Variants in ZBTB20 observed in about 807,000 individuals in gnomAD.
The protein encoded by ZBTB20 is zinc finger and BTB domain-containing protein 20.
ZBTB20 carries 9 observed loss-of-function variants against 56.9 expected under a neutral mutation model. The observed-to-expected ratio is 0.16, with a 90% confidence interval of 0.10 to 0.28. The LOEUF is 0.28. ZBTB20 is among the 10% of genes least tolerant of loss of function. The pLI, the probability that ZBTB20 is intolerant of heterozygous loss-of-function variation, is 1.00. For synonymous variants in ZBTB20, 417 were observed against 420.7 expected, an observed-to-expected ratio of 0.99 and a Z score of 0.11; for missense variants, 655 against 1,003.0, an observed-to-expected ratio of 0.65 and a Z score of 4.69.
intron 7 of ZBTB20, among the ~76,000 whole-genome samples, chr3:114,482,283 G>A (rs1191939770): frequency 6.6e-6 from 1 of 152,102 alleles, no homozygotes; most frequent in Non-Finnish European, 1.5e-5. Context: ...GACATCTCAG[G>A]GAATTTGAGC....
At chr3:114,824,508 G>C (rs774926929) in intron 4 of ZBTB20, among the ~76,000 whole-genome samples, 12 of 151,880 alleles carry the variant, frequency 7.9e-5, no homozygotes, top group Non-Finnish European at 1.5e-4. Flanking sequence ...CAGGAATTCG[G>C]TCTTTCCAAT....
chr3:114,512,719 T>G (rs2109825772), intron 6 of ZBTB20, among the ~76,000 whole-genome samples: 1 of 152,286 alleles, frequency 6.6e-6, no homozygotes, highest in Admixed American at 6.5e-5. Context: ...CAGAATTATT[T>G]AAGTTTTTGA....
chr3:114,316,486 C>A lies in ZBTB20; in HGVS notation c.*22519G>T. 1.9e-6 allele frequency: 1 copy of A among 514,008 alleles called. No individual in the cohort carries two copies. The highest frequency in any genetic ancestry group is 6.3e-5 in the East Asian group (1 of 15,868). 31.8% of individuals were successfully genotyped at this position (514,008 alleles called of 1,614,324 possible). ...TGTGTATATATGCACATATACACAC[C>A]TATACATGTATAATATATACACTAT... On this transcript the variant is annotated 3_prime_UTR_variant, in exon 12 of 12. Coordinates refer to ENST00000675478, the MANE Select transcript of ZBTB20 (RefSeq NM_001348800.3).
chr3:114,850,484 A>G, intron 4 of ZBTB20, among the ~76,000 whole-genome samples: 1 of 152,140 alleles, frequency 6.6e-6, no homozygotes, highest in Admixed American at 6.5e-5. Flanking sequence ...ATATGTATAC[A>G]CCCATTTAAC....
intron 5 of ZBTB20, among the ~76,000 whole-genome samples, chr3:114,766,288 G>A (rs993558127): frequency 6.6e-6 from 1 of 150,786 alleles, no homozygotes; most frequent in African/African-American, 2.4e-5. Context: ...ATCTGAAATG[G>A]GCACAGAAAC....
At chr3:114,384,532 A>G (rs541595831) in intron 8 of ZBTB20, among the ~76,000 whole-genome samples, 3 of 152,258 alleles carry the variant, frequency 2.0e-5, no homozygotes, top group South Asian at 4.1e-4. Context: ...CAGTTCTGAC[A>G]TTCTGACTGA....
intron 2 of ZBTB20, among the ~76,000 whole-genome samples, chr3:115,012,481 C>T (rs1393562441): frequency 1.3e-5 from 2 of 151,558 alleles, no homozygotes; most frequent in Non-Finnish European, 3.0e-5. Flanking sequence ...AAGAAGGTCA[C>T]CACATAATGA....
chr3:114,749,747 T>C (rs2067415853), intron 5 of ZBTB20, among the ~76,000 whole-genome samples: 1 of 152,204 alleles, frequency 6.6e-6, no homozygotes, highest in Non-Finnish European at 1.5e-5. Context: ...CTTAGAAACT[T>C]TGGTTTGTAT....
At chr3:114,773,340 T>C (rs1308737574) in intron 5 of ZBTB20, among the ~76,000 whole-genome samples, 2 of 152,168 alleles carry the variant, frequency 1.3e-5, no homozygotes, top group African/African-American at 4.8e-5. Flanking sequence ...AACAAATATA[T>C]TATCCAACAT....
intron 4 of ZBTB20, among the ~76,000 whole-genome samples, chr3:114,877,170 G>A (rs954667763): frequency 1.3e-5 from 2 of 152,114 alleles, no homozygotes; most frequent in African/African-American, 4.8e-5. Context: ...AGAATACAAA[G>A]GTGTTTGACA....
At chr3:115,026,839 G>A (rs551966304) in intron 2 of ZBTB20, among the ~76,000 whole-genome samples, 1 of 149,942 alleles carries the variant, frequency 6.7e-6, no homozygotes, top group Non-Finnish European at 1.5e-5. Context: ...GAGGAAAATA[G>A]AATAAAAAGC....
At chr3:114,717,922 T>C (rs1257628371) in intron 5 of ZBTB20, among the ~76,000 whole-genome samples, 1 of 152,116 alleles carries the variant, frequency 6.6e-6, no homozygotes, top group Non-Finnish European at 1.5e-5. Flanking sequence ...TTCTCTACTA[T>C]CTTACAGGGC....
At chr3:114,740,315 T>C (rs1277048930) in intron 5 of ZBTB20, among the ~76,000 whole-genome samples, 1 of 152,184 alleles carries the variant, frequency 6.6e-6, no homozygotes, top group Non-Finnish European at 1.5e-5. Context: ...ATAGAAACTA[T>C]TAGCATAGGT....
chr3:114,836,190 T>C (rs978881089), intron 4 of ZBTB20, among the ~76,000 whole-genome samples: 1 of 152,218 alleles, frequency 6.6e-6, no homozygotes, highest in Non-Finnish European at 1.5e-5. Flanking sequence ...ATGTGTGTTT[T>C]AATAAATTAT....
At chr3:114,718,204 G>GCT (rs2064643901) in intron 5 of ZBTB20, among the ~76,000 whole-genome samples, 1 of 152,018 alleles carries the variant, frequency 6.6e-6, no homozygotes, top group Non-Finnish European at 1.5e-5. Flanking sequence ...CCACTTAATT[G>GCT]CTCCACCCAG....
At chr3:114,368,311 T>C (rs1213181457) in intron 10 of ZBTB20, among the ~76,000 whole-genome samples, 1 of 152,138 alleles carries the variant, frequency 6.6e-6, no homozygotes, top group Non-Finnish European at 1.5e-5. Context: ...AGAAAATATT[T>C]TCTGAATATT....
Position 114,812,506 on chromosome 3 carries a change from G to A in ZBTB20, c.-416-11332C>T, listed in dbSNP as rs145068545. On this transcript the variant is annotated intron_variant, in intron 4 of 11. Coordinates refer to ENST00000675478, the MANE Select transcript of ZBTB20 (RefSeq NM_001348800.3). ...TGGTGTATTTACAATCCCTGAGCTAGACATAGTTTCTCCAAGTCCCCACCA... is the reference window on the plus strand; with the variant it reads ...TGGTGTATTTACAATCCCTGAGCTAAACATAGTTTCTCCAAGTCCCCACCA... 2.2e-3 allele frequency among the ~76,000 whole-genome samples: 333 copies of A among 152,234 alleles called. 1 individual carries two copies. The highest frequency in any genetic ancestry group is 7.0e-3 in the African/African-American group (290 of 41,542).
intron 4 of ZBTB20, chr3:114,874,128 T>C (rs1378185882): frequency 6.6e-6 from 1 of 152,152 alleles, no homozygotes; most frequent in African/African-American, 2.4e-5. Context: ...AAAAGGTAAA[T>C]AAATATTCTG....
chr3:114,378,650 C>A (rs1475385612), intron 10 of ZBTB20, among the ~76,000 whole-genome samples: 1 of 152,226 alleles, frequency 6.6e-6, no homozygotes, highest in Non-Finnish European at 1.5e-5. Flanking sequence ...TAAGGTGTGG[C>A]AGAAAGCTGG....
Sources: allele counts gnomAD v4.1 joint callset (sites outside exome capture counted in the v4.1 genomes callset), GRCh38; gene constraint gnomAD v4.1.1; transcripts MANE v1.5; gene names NCBI Gene and HGNC (gene_info 2026-07-23, HGNC 2026-07-21).